The following ABCD3 variants were observed in gnomAD, a reference collection of about 807,000 sequenced individuals.
ABCD3 encodes ATP binding cassette subfamily D member 3.
Under a neutral mutation model 105.5 loss-of-function variants are expected in ABCD3, and 41 were observed. The observed-to-expected ratio is 0.39, with a 90% CI of 0.30 to 0.50. The LOEUF (loss-of-function observed/expected upper bound fraction) is 0.50. Among genes scored for constraint, ABCD3 ranks in the 20% least tolerant of loss-of-function variants. The pLI is 0.84. For synonymous variants in ABCD3, 258 were observed against 269.0 expected (o/e 0.96, Z 0.40); for missense variants, 622 against 806.3 (o/e 0.77, Z 2.77).
intron 21 of ABCD3, 54 bp downstream of exon 21, chr1:94,506,696 C>G: frequency 7.7e-7 from 1 of 1,294,394 alleles, no homozygotes; most frequent in South Asian, 1.2e-5. Flanking sequence ...CTAGTGTAAA[C>G]TATGTCCAAA....
the ABCD3 span, among the ~76,000 whole-genome samples, chr1:94,393,125 T>G: frequency 7.1e-6 from 1 of 140,246 alleles, no homozygotes; most frequent in Non-Finnish European, 1.6e-5. Context: ...AATAAATAAA[T>G]AAAAAGAAGA....
rs374533472 is a variant in ABCD3 at position 94,449,555 on chromosome 1, G to A, written c.111-9052G>A. On this transcript the variant is annotated intron_variant, in intron 1 of 22. Coordinates refer to ENST00000370214, the MANE Select transcript of ABCD3 (RefSeq NM_002858.4). ...ATGCTTTCTGATCTCAGTATTTACC[G>A]TAATGAATCTGCTCCTATAATTGAG... is the stretch of plus-strand genomic sequence containing the variant. Among the ~76,000 whole-genome samples the A allele has an allele frequency of 7.9e-5, 12 of 152,272 alleles. 1 individual carries two copies. The highest frequency in any genetic ancestry group is 3.9e-4 in the East Asian group (2 of 5,186).
chr1:94,453,971 G>A (rs2100947134), intron 1 of ABCD3, among the ~76,000 whole-genome samples: 1 of 149,926 alleles, frequency 6.7e-6, no homozygotes, highest in East Asian at 1.9e-4. Context: ...TTGAAATAAG[G>A]TTCTGAGCAT....
intron 21 of ABCD3, chr1:94,514,823 T>C (rs1019316326): frequency 1.0e-5 from 3 of 288,216 alleles, no homozygotes; most frequent in Admixed American, 9.4e-5. Context: ...TTCCTGATTT[T>C]GACCTTTGGC....
intron 1 of ABCD3, among the ~76,000 whole-genome samples, chr1:94,436,343 C>T (rs929113350): frequency 1.1e-4 from 16 of 152,168 alleles, no homozygotes; most frequent in Admixed American, 3.3e-4. Flanking sequence ...TAGAGTATCA[C>T]GGAAATATTC....
At chr1:94,469,545 G>T (rs1570785776) in intron 4 of ABCD3, among the ~76,000 whole-genome samples, 2 of 137,100 alleles carry the variant, frequency 1.5e-5, no homozygotes, top group Admixed American at 7.4e-5. Flanking sequence ...TGAGCTTTTT[G>T]ACAATACTGA....
upstream of ABCD3, chr1:94,418,349 G>A: frequency 1.5e-6 from 1 of 650,986 alleles, no homozygotes; most frequent in Non-Finnish European, 2.3e-6. Context: ...CGCGAGCCAG[G>A]GGGCGGTCCT....
intron 20 of ABCD3, among the ~76,000 whole-genome samples, chr1:94,500,968 T>C (rs575427556): frequency 2.6e-4 from 39 of 152,294 alleles, no homozygotes; most frequent in African/African-American, 9.1e-4. Flanking sequence ...GCAAAATAAC[T>C]TTAAATTTCT....
chr1:94,409,524 C>T, the ABCD3 span, among the ~76,000 whole-genome samples: 1 of 152,184 alleles, frequency 6.6e-6, no homozygotes, highest in Admixed American at 6.5e-5. Flanking sequence ...TGTATTGTAA[C>T]CCAATTTACA....
Position 94,498,638 on chromosome 1 carries a change from A to G in ABCD3, c.1423A>G (p.Asn475Asp). The G allele has an allele frequency of 6.2e-7, 1 of 1,613,594 alleles. No homozygotes were observed. The highest frequency in any genetic ancestry group is 8.5e-7 in the Non-Finnish European group (1 of 1,179,952). The change falls in exon 17 of 23, where the codon AAT becomes GAT. Residue 475 changes from asparagine to aspartate, a missense_variant. Physicochemically the swap from Asn to Asp is conservative, Grantham distance 23 (BLOSUM62 1). Transcript: ENST00000370214. ...SGANVLICGP[N>D]GCGKSSLFRV... is the part of the protein sequence containing the mutation. The stretch of plus-strand genomic sequence containing the variant: ...GGCTAATGTTCTAATTTGTGGTCCA[A>G]ATGGCTGCGGAAAGAGTTCACTTTT...
intron 1 of ABCD3, among the ~76,000 whole-genome samples, chr1:94,428,371 T>C (rs1423002726): frequency 1.3e-5 from 2 of 152,206 alleles, no homozygotes; most frequent in Non-Finnish European, 2.9e-5. Context: ...TTAATACATT[T>C]ATTGGCATTA....
At chr1:94,461,758 G>T (rs1167472409) in intron 2 of ABCD3, among the ~76,000 whole-genome samples, 1 of 152,040 alleles carries the variant, frequency 6.6e-6, no homozygotes, top group Non-Finnish European at 1.5e-5. Context: ...TATTATAAAC[G>T]AGTACGATGT....
At chr1:94,428,107 A>G (rs940286056) in intron 1 of ABCD3, among the ~76,000 whole-genome samples, 3 of 151,498 alleles carry the variant, frequency 2.0e-5, no homozygotes, top group African/African-American at 7.3e-5. Context: ...TTTTGCCACA[A>G]GATTGAGAAA....
At chr1:94,458,316 T>A (rs1365628129) in intron 1 of ABCD3, among the ~76,000 whole-genome samples, 1 of 152,208 alleles carries the variant, frequency 6.6e-6, no homozygotes, top group East Asian at 1.9e-4. Context: ...GATGAAGAAG[T>A]AGACTTGCAT....
the ABCD3 span, among the ~76,000 whole-genome samples, chr1:94,408,147 T>C: frequency 6.6e-6 from 1 of 152,200 alleles, no homozygotes; most frequent in Non-Finnish European, 1.5e-5. Context: ...AGAGCTGTCA[T>C]TTCTATTATA....
chr1:94,515,052 C>T, intron 21 of ABCD3, 94 bp from the exon 22 acceptor site: 1 of 996,696 alleles, frequency 1.0e-6, no homozygotes, highest in East Asian at 2.4e-5. Context: ...ACTTTAGTCA[C>T]TGAAGACTGT....
chr1:94,403,504 T>C, the ABCD3 span, among the ~76,000 whole-genome samples: 1 of 152,228 alleles, frequency 6.6e-6, no homozygotes, highest in Non-Finnish European at 1.5e-5. Flanking sequence ...ATTTCCACTA[T>C]GATTGTCACA....
chr1:94,443,376 C>T (rs1329592803), intron 1 of ABCD3, among the ~76,000 whole-genome samples: 2 of 152,014 alleles, frequency 1.3e-5, no homozygotes, highest in African/African-American at 4.8e-5. Context: ...TTATTGGATG[C>T]ATAGTTTGCA....
At chr1:94,473,622 A>G (rs1648594162) in intron 4 of ABCD3, 144 bp from the exon 5 acceptor site, 4 of 691,306 alleles carry the variant, frequency 5.8e-6, no homozygotes, top group Admixed American at 5.1e-5. Flanking sequence ...TGTTTTTGCA[A>G]AAAAGTGGTT....
Sources: allele counts gnomAD v4.1 joint callset (sites outside exome capture counted in the v4.1 genomes callset), GRCh38; gene constraint gnomAD v4.1.1; transcripts MANE v1.5; gene names NCBI Gene and HGNC (gene_info 2026-07-23, HGNC 2026-07-21).